Variants in CYFIP1 observed in about 807,000 individuals in gnomAD.
The protein encoded by CYFIP1 is cytoplasmic FMR1-interacting protein 1.
Under a neutral mutation model 163.5 loss-of-function variants are expected in CYFIP1, and 58 were observed. The observed-to-expected ratio is 0.35, with a 90% confidence interval of 0.29 to 0.44. The LOEUF is 0.44. CYFIP1 is among the 20% of genes least tolerant of loss of function. CYFIP1 has a pLI of 1.00. For synonymous variants in CYFIP1, 663 were observed against 660.7 expected (o/e 1.00, Z -0.05); for missense variants, 1,338 against 1,653.8 (o/e 0.81, Z 3.31).
At chr15:22,969,204 C>A (rs1595730512) in intron 1 of CYFIP1, among the ~76,000 whole-genome samples, 1 of 152,274 alleles carries the variant, frequency 6.6e-6, no homozygotes, top group Middle Eastern at 3.4e-3. Context: ...GACAAGGTCA[C>A]AGCGGCTATC....
chr15:22,928,722 T>C (rs1053966440), intron 11 of CYFIP1, among the ~76,000 whole-genome samples: 1 of 152,210 alleles, frequency 6.6e-6, no homozygotes, highest in Non-Finnish European at 1.5e-5. Context: ...GGCAGGCTTC[T>C]TTGAATATAC....
At chr15:22,963,885 T>G (rs993682695) in intron 1 of CYFIP1, among the ~76,000 whole-genome samples, 3 of 152,072 alleles carry the variant, frequency 2.0e-5, no homozygotes, top group Admixed American at 6.6e-5. Flanking sequence ...GAAAGGACCT[T>G]CCAGGCCCAG....
At chr15:22,978,098 T>C (rs1338088294) in intron 1 of CYFIP1, among the ~76,000 whole-genome samples, 1 of 151,750 alleles carries the variant, frequency 6.6e-6, no homozygotes, top group Non-Finnish European at 1.5e-5. Flanking sequence ...ATGCCTGTAA[T>C]ACCAGCACTT....
chr15:22,880,051 G>A lies in CYFIP1; in HGVS notation c.2912-8C>T, dbSNP rs763486509. 6.8e-6 allele frequency: 11 copies of A among 1,613,454 alleles called. No individual in the cohort carries two copies. The South Asian group carries it at 1.2e-4, about 18-fold the overall frequency. ...GGAAGAACTCCAGGATACCTACGGT[G>A]GCGGGAGTGAGGTGGGGTTGGGGGA... On this transcript the variant is annotated splice_region_variant and splice_polypyrimidine_tract_variant and intron_variant, in intron 25 of 30. Coordinates refer to ENST00000617928, the MANE Select transcript of CYFIP1 (RefSeq NM_014608.6).
chr15:22,953,672 C>A (rs1006909624), intron 1 of CYFIP1, among the ~76,000 whole-genome samples: 1 of 152,186 alleles, frequency 6.6e-6, no homozygotes, highest in Non-Finnish European at 1.5e-5. Flanking sequence ...TGCCACAGTG[C>A]AAATATCCAA....
At chr15:22,928,049 C>G in intron 11 of CYFIP1, 21 bp from the exon 12 acceptor site, 2 of 1,492,968 alleles carry the variant, frequency 1.3e-6, no homozygotes, top group Non-Finnish European at 1.8e-6. Context: ...CGGGCACGGC[C>G]CCGTGAGAAA....
At chr15:22,928,052 G>T in intron 11 of CYFIP1, 24 bp from the exon 12 acceptor site, 2 of 1,487,686 alleles carry the variant, frequency 1.3e-6, no homozygotes, top group Non-Finnish European at 1.8e-6. Flanking sequence ...GCACGGCCCC[G>T]TGAGAAACCA....
intron 26 of CYFIP1, among the ~76,000 whole-genome samples, chr15:22,879,681 G>A (rs1031985354): frequency 1.3e-5 from 2 of 151,988 alleles, no homozygotes; most frequent in African/African-American, 4.8e-5. Context: ...ACAGTTTTAT[G>A]ACGTTAACAC....
At chr15:22,916,680 TTA>T in intron 15 of CYFIP1, 50 bp from the exon 16 acceptor site, 1 of 1,614,122 alleles carries the variant, frequency 6.2e-7, no homozygotes, top group Non-Finnish European at 8.5e-7. Context: ...ACATGGTACA[TTA>T]GTTATGCCAA....
chr15:22,903,581 A>C, intron 22 of CYFIP1, 125 bp downstream of exon 22: 1 of 1,017,386 alleles, frequency 9.8e-7, no homozygotes, highest in Non-Finnish European at 1.5e-6. Context: ...CGTGCTCTTC[A>C]TGTGAGAAGT....
chr15:22,895,866 C>T lies in CYFIP1; in HGVS notation c.2589-2889G>A, dbSNP rs114106458. The stretch of plus-strand genomic sequence containing the variant: ...GCTGGCAGTACCCTGAGGAGCGTCC[C>T]ACCTCAGAGCTCGGAGGGTGATGCG... On this transcript the variant is annotated intron_variant, in intron 22 of 30. Transcript: ENST00000617928. Among the ~76,000 whole-genome samples, 1,460 of 152,328 alleles carry T rather than the reference C, an allele frequency of 9.6e-3. 23 individuals carry two copies. Among genetic ancestry groups the T allele is most frequent in the African/African-American group, 0.034 (1,395 of 41,556 alleles).
rs541696930 is a variant in CYFIP1, at chr15:22,902,912, C to T, written c.2588+794G>A. Among the ~76,000 whole-genome samples, 15 of 152,322 alleles carry T rather than the reference C, an allele frequency of 9.8e-5. No homozygotes were observed. In the South Asian group the frequency reaches 2.7e-3, roughly 27 times the overall value. On this transcript the variant is annotated intron_variant, in intron 22 of 30. Coordinates refer to ENST00000617928, the MANE Select transcript of CYFIP1 (RefSeq NM_014608.6). ...TCTCATCAGAGCTCTCATCAGAGCT[C>T]GGCATCCTGTCTCCTGAGACACAAA...
intron 16 of CYFIP1, among the ~76,000 whole-genome samples, chr15:22,915,880 C>G (rs981041476): frequency 6.6e-6 from 1 of 152,142 alleles, no homozygotes; most frequent in East Asian, 1.9e-4. Flanking sequence ...TTAAAAGAGC[C>G]CACACTCGAA....
At chr15:22,893,192 AG>A (rs2060126477) in intron 22 of CYFIP1, among the ~76,000 whole-genome samples, 1 of 152,188 alleles carries the variant, frequency 6.6e-6, no homozygotes, top group African/African-American at 2.4e-5. Flanking sequence ...GGGCCACAGC[AG>A]GAACACCCGG....
chr15:22,928,337 T>C (rs542772525), intron 11 of CYFIP1, among the ~76,000 whole-genome samples: 1 of 151,998 alleles, frequency 6.6e-6, no homozygotes, highest in South Asian at 2.1e-4. Context: ...GAGCCGACAC[T>C]GCGCCACTGC....
Position 22,943,298 on chromosome 15 carries a change from C to A in CYFIP1, c.444G>T (p.Arg148Ser). ...AGGCTTCTGACACGAAGTCCTTCCT[C>A]CTCTCGGCATGGCACAGGCGCCTCA... ...GEVRRLCHAERRKDFVSEAYL... is the reference protein window; with the variant it reads ...GEVRRLCHAESRKDFVSEAYL... The change falls in exon 6 of 31, where the codon AGG becomes AGT. Residue 148 changes from arginine to serine, a missense_variant. Arg to Ser is a moderately radical substitution (Grantham distance 110). Transcript: ENST00000617928. 1 of 1,614,228 alleles carries A rather than the reference C, an allele frequency of 6.2e-7. No homozygotes were observed. The highest frequency in any genetic ancestry group is 8.5e-7 in the Non-Finnish European group (1 of 1,180,034).
At chr15:22,916,653 T>G (rs376471301) in intron 15 of CYFIP1, 23 bp from the exon 16 acceptor site, 2 of 1,613,924 alleles carry the variant, frequency 1.2e-6, no homozygotes, top group African/African-American at 2.7e-5. Context: ...AGGAAACATT[T>G]GTGGGGGAGA....
chr15:22,977,334 A>G lies in CYFIP1; in HGVS notation c.-7+2953T>C, dbSNP rs376080456. Among the ~76,000 whole-genome samples, 10 of 152,286 alleles carry G rather than the reference A, an allele frequency of 6.6e-5. No homozygotes were observed. The South Asian group carries it at 1.9e-3, about 28-fold the overall frequency. ...TTTCTATGTAGATAATCATGTTGTC[A>G]GCAAATAGGGACAATTTTCCCTTTC... is the stretch of plus-strand genomic sequence containing the variant. On this transcript the variant is annotated intron_variant, in intron 1 of 30. Coordinates refer to ENST00000617928, the MANE Select transcript of CYFIP1 (RefSeq NM_014608.6).
chr15:22,916,018 A>C (rs998180962), intron 16 of CYFIP1, among the ~76,000 whole-genome samples: 2 of 152,190 alleles, frequency 1.3e-5, no homozygotes, highest in African/African-American at 4.8e-5. Flanking sequence ...TGATGAGAAC[A>C]CGGGACAGAC....
Sources: gnomAD v4.1 joint callset for allele counts (sites outside exome capture counted in the v4.1 genomes callset) on GRCh38, gnomAD v4.1.1 for gene constraint, MANE v1.5 for transcripts, NCBI Gene and HGNC (gene_info 2026-07-23, HGNC 2026-07-21) for gene names.